HEATR5B: variants seen among roughly 807,000 people sequenced by gnomAD.
HEATR5B encodes the protein HEAT repeat-containing protein 5B.
In HEATR5B, 156 loss-of-function variants were observed where a neutral mutation model predicts 224.1. The ratio of observed to expected loss-of-function variants is 0.70; its 90% confidence interval spans 0.61 to 0.80. The LOEUF (loss-of-function observed/expected upper bound fraction) is 0.80, where lower values mean the gene tolerates loss of function less well. HEATR5B is among the 30% of genes least tolerant of loss of function. The pLI is 0.00. For missense variants in HEATR5B, 2,323 were observed against 2,535.5 expected, an observed-to-expected ratio of 0.92 and a Z score of 1.80; for synonymous variants, 1,027 against 893.0, an observed-to-expected ratio of 1.15 and a Z score of -2.68.
intron 31 of HEATR5B, among the ~76,000 whole-genome samples, chr2:37,003,100 CA>C (rs1667194732): frequency 6.6e-6 from 1 of 151,514 alleles, no homozygotes; most frequent in African/African-American, 2.4e-5. Flanking sequence ...ACTAAAAATA[CA>C]AAAATTAGCT....
At chr2:37,072,620 C>G (rs1271544925) in intron 5 of HEATR5B, among the ~76,000 whole-genome samples, 1 of 152,008 alleles carries the variant, frequency 6.6e-6, no homozygotes, top group Admixed American at 6.6e-5. Context: ...GCAAATTCAA[C>G]ACAAAGTAAG....
At chr2:36,987,881 G>A (rs1666050701) in intron 35 of HEATR5B, among the ~76,000 whole-genome samples, 1 of 151,944 alleles carries the variant, frequency 6.6e-6, no homozygotes, top group Non-Finnish European at 1.5e-5. Flanking sequence ...AGACCAACCT[G>A]GGCAACATGG....
intron 33 of HEATR5B, 127 bp downstream of exon 33, chr2:37,000,459 T>C: frequency 2.9e-6 from 2 of 698,098 alleles, no homozygotes; most frequent in South Asian, 3.6e-5. Context: ...CTGAAAGATA[T>C]GACTAACATA....
At chr2:37,038,069 G>C (rs763127156) in intron 20 of HEATR5B, 45 bp from the exon 21 acceptor site, 8 of 1,227,916 alleles carry the variant, frequency 6.5e-6, no homozygotes, top group African/African-American at 1.6e-5. Context: ...TATTTTATTA[G>C]TACCACCAAA....
chr2:37,079,870 G>A (rs1463470797), intron 2 of HEATR5B, among the ~76,000 whole-genome samples: 1 of 152,168 alleles, frequency 6.6e-6, no homozygotes, highest in Non-Finnish European at 1.5e-5. Context: ...ATACTAGGGT[G>A]CAACAGTGAA....
rs1211375334 is a variant in HEATR5B, at chr2:37,008,738, T to C, written c.4395A>G (p.Pro1465=). ...DDDCGTIDEL[P]PDSLITLVQP... ...GTACCAGTGTTATTAAACTATCTGG[T>C]GGCAGTTCATCGATGGTACCACAGT... Residue 1465 remains proline, a synonymous_variant, in exon 28 of 36, where the codon CCA becomes CCG. Coordinates refer to ENST00000233099, the MANE Select transcript of HEATR5B (RefSeq NM_019024.3). The C allele has an allele frequency of 6.2e-7, 1 of 1,614,066 alleles. No homozygotes were observed. The highest frequency in any genetic ancestry group is 8.5e-7 in the Non-Finnish European group (1 of 1,179,914).
intron 27 of HEATR5B, among the ~76,000 whole-genome samples, chr2:37,010,245 C>T (rs1301533150): frequency 6.6e-6 from 1 of 152,058 alleles, no homozygotes; most frequent in Non-Finnish European, 1.5e-5. Flanking sequence ...ATAAAAATCT[C>T]GAGAAAACTG....
intron 10 of HEATR5B, 81 bp from the exon 11 acceptor site, chr2:37,062,131 TAAAAG>T (rs767282342): frequency 7.0e-6 from 6 of 857,022 alleles, no homozygotes; most frequent in Non-Finnish European, 1.2e-5. Context: ...ATACATTACT[TAAAAG>T]AAGTTGTTGG....
chr2:37,029,987 T>A (rs1356982906), intron 22 of HEATR5B, among the ~76,000 whole-genome samples: 1 of 137,122 alleles, frequency 7.3e-6, no homozygotes, highest in African/African-American at 2.7e-5. Context: ...ATTGGGAAAA[T>A]CCAAAGAGTA....
chr2:37,066,659 T>C (rs964297048), intron 8 of HEATR5B, among the ~76,000 whole-genome samples: 3 of 152,178 alleles, frequency 2.0e-5, no homozygotes, highest in Admixed American at 2.0e-4. Flanking sequence ...TAATTGAGAA[T>C]ACATTCTGGC....
chr2:37,020,578 C>T (rs1226106577), intron 25 of HEATR5B, 77 bp downstream of exon 25: 2 of 1,054,610 alleles, frequency 1.9e-6, no homozygotes, highest in African/African-American at 3.3e-5. Flanking sequence ...CAAATGCAGT[C>T]CTCCAGGAAG....
At chr2:36,994,468 TA>T (rs1415124230) in intron 33 of HEATR5B, among the ~76,000 whole-genome samples, 1 of 152,156 alleles carries the variant, frequency 6.6e-6, no homozygotes, top group African/African-American at 2.4e-5. Flanking sequence ...TACTCTATTA[TA>T]AAACTTTGCT....
intron 20 of HEATR5B, among the ~76,000 whole-genome samples, chr2:37,039,043 G>T (rs1669708150): frequency 6.6e-6 from 1 of 152,078 alleles, no homozygotes; most frequent in Non-Finnish European, 1.5e-5. Context: ...GTAACGGGCT[G>T]GGCGTGGAGG....
intron 35 of HEATR5B, among the ~76,000 whole-genome samples, chr2:36,988,317 C>T (rs1218290229): frequency 1.3e-5 from 2 of 151,076 alleles, no homozygotes; most frequent in Non-Finnish European, 2.9e-5. Flanking sequence ...GGCTGGAGTG[C>T]GCTGGCATGA....
intron 21 of HEATR5B, among the ~76,000 whole-genome samples, chr2:37,033,942 GC>G (rs1277328962): frequency 6.6e-6 from 1 of 152,092 alleles, no homozygotes; most frequent in Non-Finnish European, 1.5e-5. Context: ...TGTTCCATCT[GC>G]TGCTTTTCAA....
In HEATR5B at chr2:37,028,777, T is replaced by G. The variant is rs779765758; in HGVS notation, c.3505A>C (p.Ile1169Leu). ...RETDRKLCSD[I>L]HDTLGHMLSS... ...AGCATATGTCCCAAAGTGTCATGAA[T>G]ATCAGAACATAATTTTCGATCTGTC... The change falls in exon 23 of 36, where the codon ATT becomes CTT. Residue 1169 changes from isoleucine (I) to leucine (L), a missense_variant. By Grantham distance (5) the Ile-to-Leu change is conservative. Transcript: ENST00000233099. 6.2e-7 allele frequency: 1 copy of G among 1,614,134 alleles called. No homozygotes were observed. The highest frequency in any genetic ancestry group is 1.1e-5 in the South Asian group (1 of 91,080).
chr2:36,995,877 G>A (rs1382744739), intron 33 of HEATR5B, among the ~76,000 whole-genome samples: 1 of 152,028 alleles, frequency 6.6e-6, no homozygotes, highest in Non-Finnish European at 1.5e-5. Flanking sequence ...TGATCAGTAA[G>A]GCTAAAGAGT....
chr2:37,072,723 A>G (rs1317363804), intron 5 of HEATR5B, among the ~76,000 whole-genome samples: 1 of 152,180 alleles, frequency 6.6e-6, no homozygotes, highest in African/African-American at 2.4e-5. Context: ...AGACTAATAA[A>G]TTTGATAAAT....
intron 24 of HEATR5B, among the ~76,000 whole-genome samples, chr2:37,026,406 T>C (rs1296635982): frequency 2.0e-5 from 3 of 152,182 alleles, no homozygotes; most frequent in East Asian, 3.9e-4. Context: ...ATAGCAGCAA[T>C]AGAAAACTAA....
Sources: gnomAD v4.1 joint callset for allele counts (sites outside exome capture counted in the v4.1 genomes callset) on GRCh38, gnomAD v4.1.1 for gene constraint, MANE v1.5 for transcripts, NCBI Gene and HGNC (gene_info 2026-07-23, HGNC 2026-07-21) for gene names.